The following SYN3 variants were observed in gnomAD, a reference collection of about 807,000 sequenced individuals.
The protein encoded by SYN3 is synapsin III, also known as synapsin-3.
Under a neutral mutation model 65.8 loss-of-function variants are expected in SYN3, and 35 were observed. That is an observed-to-expected ratio of 0.53 (90% confidence interval 0.41 to 0.70). SYN3 has a LOEUF of 0.70. SYN3 is among the 30% of genes least tolerant of loss of function. SYN3 has a pLI of 0.00. For synonymous variants in SYN3, 270 were observed against 292.9 expected, an observed-to-expected ratio of 0.92 and a Z score of 0.80; for missense variants, 680 against 749.0, an observed-to-expected ratio of 0.91 and a Z score of 1.08.
At chr22:32,901,675 A>G (rs2146529190) in intron 4 of SYN3, among the ~76,000 whole-genome samples, 1 of 152,340 alleles carries the variant, frequency 6.6e-6, no homozygotes, top group East Asian at 1.9e-4. Context: ...TCCCCAGGAC[A>G]ACCCTCCGAA....
At chr22:32,599,368 C>T (rs2710390) in intron 6 of SYN3, among the ~76,000 whole-genome samples, 1 of 150,982 alleles carries the variant, frequency 6.6e-6, no homozygotes, top group Non-Finnish European at 1.5e-5. Context: ...GTCGCTCAGG[C>T]TGGAGTGCAG....
At chr22:32,702,379 G>A (rs1409487881) in intron 6 of SYN3, among the ~76,000 whole-genome samples, 1 of 152,194 alleles carries the variant, frequency 6.6e-6, no homozygotes, top group Non-Finnish European at 1.5e-5. Context: ...TCGGGAGGCT[G>A]AGGCAGGAGA....
chr22:32,704,468 T>C (rs182791332), intron 6 of SYN3, among the ~76,000 whole-genome samples: 2 of 152,360 alleles, frequency 1.3e-5, no homozygotes, highest in African/African-American at 2.4e-5. Context: ...CTACCACTGA[T>C]GGGCATTTAG....
intron 6 of SYN3, among the ~76,000 whole-genome samples, chr22:32,658,888 C>G (rs2146990473): frequency 6.6e-6 from 1 of 152,300 alleles, no homozygotes; most frequent in Admixed American, 6.5e-5. Flanking sequence ...GCGATAATAA[C>G]AGGAATGATT....
chr22:32,658,083 G>T (rs2146985989), intron 6 of SYN3, among the ~76,000 whole-genome samples: 1 of 152,320 alleles, frequency 6.6e-6, no homozygotes, highest in African/African-American at 2.4e-5. Flanking sequence ...GCATGCTGAG[G>T]GGGAGGAGAG....
At chr22:32,951,024 A>G (rs1231181546) in intron 3 of SYN3, among the ~76,000 whole-genome samples, 1 of 151,992 alleles carries the variant, frequency 6.6e-6, no homozygotes. Flanking sequence ...ATTCCTTTAA[A>G]AAACATCAGC....
chr22:32,951,555 G>C (rs1030531915), intron 3 of SYN3, among the ~76,000 whole-genome samples: 1 of 152,168 alleles, frequency 6.6e-6, no homozygotes, highest in African/African-American at 2.4e-5. Flanking sequence ...TCCTAAAACA[G>C]TGCCTGTGCT....
At chr22:32,573,423 G>C (rs942864164) in intron 7 of SYN3, among the ~76,000 whole-genome samples, 3 of 152,094 alleles carry the variant, frequency 2.0e-5, no homozygotes, top group Admixed American at 6.5e-5. Context: ...TGGTGATTTT[G>C]TCAACACTAT....
intron 1 of SYN3, among the ~76,000 whole-genome samples, chr22:33,048,950 C>A (rs534195477): frequency 6.6e-6 from 1 of 152,344 alleles, no homozygotes; most frequent in African/African-American, 2.4e-5. Context: ...CATGAAGATG[C>A]AGACAACTTC....
At chr22:32,643,561 G>GGGGGGGA (rs2059936359) in intron 6 of SYN3, among the ~76,000 whole-genome samples, 1 of 123,430 alleles carries the variant, frequency 8.1e-6, no homozygotes, top group African/African-American at 3.2e-5. Flanking sequence ...GGGGGGCGGG[G>GGGGGGGA]GGGGCAGAAC....
chr22:32,548,976 G>A (rs2058372893), intron 7 of SYN3, among the ~76,000 whole-genome samples: 1 of 152,132 alleles, frequency 6.6e-6, no homozygotes, highest in Admixed American at 6.5e-5. Flanking sequence ...CCTGAAGACA[G>A]GGGTGGGCGG....
intron 4 of SYN3, among the ~76,000 whole-genome samples, chr22:32,890,167 C>T (rs527363538): frequency 1.4e-5 from 2 of 146,276 alleles, no homozygotes; most frequent in South Asian, 2.2e-4. Context: ...CAGACTCAAC[C>T]TTCCAGGCTC....
intron 6 of SYN3, among the ~76,000 whole-genome samples, chr22:32,785,639 G>C (rs2046174540): frequency 6.6e-6 from 1 of 152,162 alleles, no homozygotes; most frequent in Non-Finnish European, 1.5e-5. Flanking sequence ...TGTTTTCTCA[G>C]ATTAAAAGAA....
intron 6 of SYN3, among the ~76,000 whole-genome samples, chr22:32,840,085 A>C (rs1360740883): frequency 6.6e-6 from 1 of 152,074 alleles, no homozygotes; most frequent in Non-Finnish European, 1.5e-5. Flanking sequence ...GAGAAACAGG[A>C]ATCTCTGGGC....
intron 6 of SYN3, among the ~76,000 whole-genome samples, chr22:32,718,506 G>GAA (rs199623097): frequency 9.4e-6 from 1 of 106,574 alleles, no homozygotes; most frequent in Non-Finnish European, 2.0e-5. Context: ...TTCAAGGACT[G>GAA]AAAAAAAAAA....
At chr22:33,015,924 C>G (rs2053458024) in intron 1 of SYN3, among the ~76,000 whole-genome samples, 1 of 151,440 alleles carries the variant, frequency 6.6e-6, no homozygotes, top group Non-Finnish European at 1.5e-5. Flanking sequence ...TCACTGCAAC[C>G]ACCACCTCCT....
chr22:33,015,845 C>CTT (rs397838349), intron 1 of SYN3, among the ~76,000 whole-genome samples: 38 of 139,348 alleles, frequency 2.7e-4, no homozygotes, highest in Admixed American at 4.3e-4. Context: ...ATTTTCTTTT[C>CTT]TTTTTTTTTT....
intron 6 of SYN3, among the ~76,000 whole-genome samples, chr22:32,695,505 C>G (rs1005827497): frequency 6.6e-6 from 1 of 152,186 alleles, no homozygotes; most frequent in African/African-American, 2.4e-5. Flanking sequence ...ATATGCTCTT[C>G]CCTGGGGACA....
At chr22:33,032,919 A>G (rs1329862366) in intron 1 of SYN3, among the ~76,000 whole-genome samples, 1 of 152,150 alleles carries the variant, frequency 6.6e-6, no homozygotes, top group Non-Finnish European at 1.5e-5. Context: ...CATGAAATGT[A>G]TGAAACCAAA....
Sources: gnomAD v4.1 joint callset for allele counts (sites outside exome capture counted in the v4.1 genomes callset) on GRCh38, gnomAD v4.1.1 for gene constraint, MANE v1.5 for transcripts, NCBI Gene and HGNC (gene_info 2026-07-23, HGNC 2026-07-21) for gene names.